SNX29: variants seen among roughly 807,000 people sequenced by gnomAD.
The protein encoded by SNX29 is sorting nexin-29.
Under a neutral mutation model 102.1 loss-of-function variants are expected in SNX29, and 78 were observed. That is an observed-to-expected ratio of 0.76 (90% CI 0.64 to 0.92). The LOEUF (loss-of-function observed/expected upper bound fraction) is 0.92. Ranked by LOEUF, SNX29 falls within the 40% of genes least tolerant of loss-of-function variation. The pLI is 0.00. For missense variants in SNX29, 1,280 were observed against 1,061.7 expected, an observed-to-expected ratio of 1.21 and a Z score of -2.86; for synonymous variants, 580 against 414.5, an observed-to-expected ratio of 1.40 and a Z score of -4.85.
chr16:11,979,630 C>T (rs529496689), intron 1 of SNX29, among the ~76,000 whole-genome samples: 5 of 152,292 alleles, frequency 3.3e-5, no homozygotes, highest in African/African-American at 1.2e-4. Flanking sequence ...GTCACCCAGG[C>T]TGGAGTGCAG....
At chr16:12,111,064 G>A (rs576575155) in intron 11 of SNX29, among the ~76,000 whole-genome samples, 1 of 152,056 alleles carries the variant, frequency 6.6e-6, no homozygotes, top group Non-Finnish European at 1.5e-5. Context: ...CTCCCACCTT[G>A]GCTTCTCAAA....
chr16:11,983,979 A>G (rs2055495602), intron 1 of SNX29, among the ~76,000 whole-genome samples: 1 of 152,184 alleles, frequency 6.6e-6, no homozygotes, highest in South Asian at 2.1e-4. Context: ...ACAGATGTAC[A>G]TTGTATCTGT....
At chr16:12,539,077 T>G (rs1274469516) in intron 20 of SNX29, among the ~76,000 whole-genome samples, 1 of 152,086 alleles carries the variant, frequency 6.6e-6, no homozygotes, top group African/African-American at 2.4e-5. Flanking sequence ...TAGGGCCAAG[T>G]TTAATAGATT....
intron 14 of SNX29, among the ~76,000 whole-genome samples, chr16:12,265,283 G>GA (rs1233831083): frequency 1.3e-5 from 2 of 152,184 alleles, no homozygotes; most frequent in Non-Finnish European, 2.9e-5. Context: ...GGAGAAACAT[G>GA]AGTCTAAAGT....
chr16:12,304,916 A>G (rs2080292521), intron 15 of SNX29, among the ~76,000 whole-genome samples: 1 of 152,250 alleles, frequency 6.6e-6, no homozygotes, highest in Non-Finnish European at 1.5e-5. Flanking sequence ...TGCCTTGATC[A>G]TCTATTTCAG....
intron 18 of SNX29, among the ~76,000 whole-genome samples, chr16:12,414,507 C>G (rs546285008): frequency 6.6e-6 from 1 of 152,254 alleles, no homozygotes; most frequent in African/African-American, 2.4e-5. Context: ...GTTACAGAAA[C>G]AAAAACATGA....
chr16:12,266,359 G>A (rs1419597291), intron 14 of SNX29, among the ~76,000 whole-genome samples: 3 of 152,140 alleles, frequency 2.0e-5, no homozygotes, highest in African/African-American at 2.4e-5. Flanking sequence ...CTGACAGGAC[G>A]TCATAGGGTA....
At chr16:12,162,689 C>T (rs759645276) in intron 13 of SNX29, among the ~76,000 whole-genome samples, 1 of 152,182 alleles carries the variant, frequency 6.6e-6, no homozygotes, top group Non-Finnish European at 1.5e-5. Flanking sequence ...AGCCTGAAGG[C>T]AGTGGGGTCT....
rs1239345015 is a variant in SNX29, at chr16:12,304,057, T to C, written c.1782+26021T>C. Among the ~76,000 whole-genome samples, 10 of 152,360 alleles carry C rather than the reference T, an allele frequency of 6.6e-5. No individual in the cohort carries two copies. The East Asian group carries it at 1.9e-3, about 29-fold the overall frequency. ...TGGTAAGGCAGTTGTTGCCTATGCATATCGTGTGTAATAAGAATGATTTCT... is the reference window on the plus strand; with the variant it reads ...TGGTAAGGCAGTTGTTGCCTATGCACATCGTGTGTAATAAGAATGATTTCT... On this transcript the variant is annotated intron_variant, in intron 15 of 20. Transcript: ENST00000566228.
chr16:12,213,846 TG>T (rs1321646079), intron 14 of SNX29, among the ~76,000 whole-genome samples: 1 of 152,038 alleles, frequency 6.6e-6, no homozygotes, highest in Non-Finnish European at 1.5e-5. Context: ...CTGGGAGACG[TG>T]GGGCTTATTT....
chr16:12,161,560 T>A (rs918301903), intron 13 of SNX29, among the ~76,000 whole-genome samples: 1 of 152,178 alleles, frequency 6.6e-6, no homozygotes, highest in South Asian at 2.1e-4. Context: ...TGATACGGTT[T>A]GGATGTTTGT....
intron 18 of SNX29, among the ~76,000 whole-genome samples, chr16:12,450,576 C>T (rs940089078): frequency 6.6e-6 from 1 of 152,206 alleles, no homozygotes; most frequent in Non-Finnish European, 1.5e-5. Context: ...AGGCTCTGTC[C>T]AGCACACACG....
intron 5 of SNX29, among the ~76,000 whole-genome samples, chr16:12,044,364 G>C (rs1449839222): frequency 6.6e-6 from 1 of 152,064 alleles, no homozygotes; most frequent in Admixed American, 6.6e-5. Flanking sequence ...GTGCACTGGG[G>C]CTCTTAAAAA....
chr16:12,345,659 C>T (rs772324449), intron 15 of SNX29, among the ~76,000 whole-genome samples: 29 of 152,206 alleles, frequency 1.9e-4, no homozygotes, highest in African/African-American at 5.8e-4. Context: ...GGATCGAAGG[C>T]GTTGGGCAAG....
chr16:12,008,784 C>A (rs2056545261), intron 3 of SNX29, among the ~76,000 whole-genome samples: 1 of 150,000 alleles, frequency 6.7e-6, no homozygotes, highest in African/African-American at 2.5e-5. Context: ...CTCTGTCGCA[C>A]AGGCTGGAGT....
At chr16:12,368,517 C>T (rs546646686) in intron 16 of SNX29, among the ~76,000 whole-genome samples, 2 of 152,268 alleles carry the variant, frequency 1.3e-5, no homozygotes, top group African/African-American at 2.4e-5. Context: ...ATGTAGCAGA[C>T]GTGGAAAATA....
intron 20 of SNX29, among the ~76,000 whole-genome samples, chr16:12,550,776 G>C (rs556534238): frequency 6.5e-4 from 94 of 145,412 alleles, no homozygotes; most frequent in African/African-American, 2.2e-3. Flanking sequence ...TGTAGAGGCT[G>C]AATAGCTGAG....
rs33988318 is a variant in SNX29, at chr16:12,323,517, T to TAA, written c.1783-32632_1783-32631dup. 1.1e-3 allele frequency among the ~76,000 whole-genome samples: 155 copies of TAA among 146,448 alleles called. 1 individual carries two copies. The highest frequency in any genetic ancestry group is 1.7e-3 in the Admixed American group (25 of 14,676). ...GCCACTGTAGTCTGCCTAGAGGTTT[T>TAA]AAAAAAAAAAAAAAATGGTGAACAA... On this transcript the variant is annotated intron_variant, in intron 15 of 20. Transcript: ENST00000566228.
At chr16:12,026,078 G>C (rs1026005957) in intron 3 of SNX29, among the ~76,000 whole-genome samples, 10 of 152,176 alleles carry the variant, frequency 6.6e-5, no homozygotes, top group Non-Finnish European at 1.2e-4. Flanking sequence ...TACCATGGGT[G>C]TCGGGATGGG....
Sources: allele counts gnomAD v4.1 joint callset (sites outside exome capture counted in the v4.1 genomes callset), GRCh38; gene constraint gnomAD v4.1.1; transcripts MANE v1.5; gene names NCBI Gene and HGNC (gene_info 2026-07-23, HGNC 2026-07-21).